The following PNPLA8 variants were observed in gnomAD, a reference collection of about 807,000 sequenced individuals.
PNPLA8 encodes the protein calcium-independent phospholipase A2-gamma.
Under a neutral mutation model 76.9 loss-of-function variants are expected in PNPLA8, and 39 were observed. That is an observed-to-expected ratio of 0.51 (90% CI 0.39 to 0.66). PNPLA8 has a LOEUF of 0.66. Among genes scored for constraint, PNPLA8 ranks in the 30% least tolerant of loss-of-function variants. PNPLA8 has a pLI of 0.00. For missense variants in PNPLA8, 887 were observed against 918.0 expected (o/e 0.97, Z 0.44); for synonymous variants, 301 against 307.9 (o/e 0.98, Z 0.24).
chr7:108,522,782 C>A (rs544557350), intron 1 of PNPLA8, among the ~76,000 whole-genome samples: 1 of 152,198 alleles, frequency 6.6e-6, no homozygotes, highest in South Asian at 2.1e-4. Flanking sequence ...ATTTATGAAA[C>A]CACCTATCAA....
At chr7:108,502,781 G>T in intron 4 of PNPLA8, 139 bp from the exon 5 acceptor site, 2 of 508,824 alleles carry the variant, frequency 3.9e-6, no homozygotes, top group Non-Finnish European at 6.7e-6. Flanking sequence ...AATCTTATAA[G>T]ACAGATTAGT....
chr7:108,526,562 C>A (rs751485863), upstream of PNPLA8, among the ~76,000 whole-genome samples: 1 of 152,238 alleles, frequency 6.6e-6, no homozygotes, highest in Non-Finnish European at 1.5e-5. Context: ...GAAGCCCCTG[C>A]CTGCGCTGAG....
chr7:108,515,754 T>C (rs1268544046), intron 2 of PNPLA8, among the ~76,000 whole-genome samples, 180 bp from the exon 3 acceptor site: 3 of 152,134 alleles, frequency 2.0e-5, no homozygotes, highest in African/African-American at 7.2e-5. Flanking sequence ...TCACTTTCAG[T>C]ATAGAGGTAA....
At chr7:108,490,141 T>A (rs765404466) in intron 8 of PNPLA8, among the ~76,000 whole-genome samples, 1 of 152,248 alleles carries the variant, frequency 6.6e-6, no homozygotes, top group Non-Finnish European at 1.5e-5. Context: ...AGTATTCTTA[T>A]CATTGTGTCA....
chr7:108,514,581 C>T lies in PNPLA8; in HGVS notation c.911G>A (p.Gly304Asp), dbSNP rs752857340. The stretch of plus-strand genomic sequence containing the variant: ...TTTGGGGACAAGTCCACCAATATAA[C>T]CACCTACTAAAGCTTGTACACCTTC... Reference protein sequence around the residue: ...PTEGVQALVGGYIGGLVPKLK... With the variant: ...PTEGVQALVGDYIGGLVPKLK... Residue 304 changes from glycine to aspartate, a missense_variant, in exon 3 of 11, where the codon GGT becomes GAT. Gly to Asp is a moderately conservative substitution (Grantham distance 94). Transcript: ENST00000257694. The T allele has an allele frequency of 8.1e-6, 13 of 1,613,930 alleles. No homozygotes were observed. Among genetic ancestry groups the T allele is most frequent in the African/African-American group, 1.3e-5 (1 of 74,910 alleles).
chr7:108,502,127 G>A (rs1861994064), intron 5 of PNPLA8, among the ~76,000 whole-genome samples: 1 of 150,652 alleles, frequency 6.6e-6, no homozygotes, highest in Admixed American at 6.6e-5. Flanking sequence ...TCCTAAAGCT[G>A]AATTGAATCT....
At position 108,472,551 on chromosome 7, in the gene PNPLA8, T is replaced by C. The variant is rs769717465; in HGVS notation, c.2199A>G (p.Glu733=). The change falls in exon 11 of 11, where the codon GAA becomes GAG. Residue 733 remains glutamate (E), a synonymous_variant. Coordinates refer to ENST00000257694, the MANE Select transcript of PNPLA8 (RefSeq NM_001256007.3). ...RNEKLDQLQL[E]GLKYIERNEQ... is the part of the protein sequence containing the mutation. The stretch of plus-strand genomic sequence containing the variant: ...CATTTCTTTCTATGTATTTCAACCC[T>C]TCCAACTGCAGCTGATCCAGCTTTT... The C allele has an allele frequency of 2.5e-6, 4 of 1,605,890 alleles. No homozygotes were observed. The Admixed American group carries it at 6.7e-5, about 27-fold the overall frequency.
chr7:108,480,346 C>T (rs1303366109), intron 9 of PNPLA8, among the ~76,000 whole-genome samples: 5 of 152,100 alleles, frequency 3.3e-5, no homozygotes, highest in East Asian at 3.9e-4. Context: ...CTAGCCTGGG[C>T]GACAGAGCAA....
chr7:108,484,515 T>C (rs551263484), intron 9 of PNPLA8, among the ~76,000 whole-genome samples: 2 of 152,210 alleles, frequency 1.3e-5, no homozygotes, highest in East Asian at 1.9e-4. Flanking sequence ...TGTAAGCCAC[T>C]GTATCTCAGC....
intron 4 of PNPLA8, among the ~76,000 whole-genome samples, chr7:108,505,765 C>T (rs1862374860): frequency 6.6e-6 from 1 of 152,096 alleles, no homozygotes; most frequent in East Asian, 1.9e-4. Flanking sequence ...TTAAGAATAT[C>T]TGTTCATCAA....
intron 8 of PNPLA8, among the ~76,000 whole-genome samples, chr7:108,490,676 T>C (rs964256574): frequency 9.9e-5 from 15 of 151,084 alleles, no homozygotes; most frequent in Middle Eastern, 3.4e-3. Context: ...CCCAGCTACT[T>C]GGGAGGCTGA....
chr7:108,500,687 A>G (rs1598919106), intron 5 of PNPLA8, among the ~76,000 whole-genome samples: 1 of 152,156 alleles, frequency 6.6e-6, no homozygotes, highest in African/African-American at 2.4e-5. Context: ...AGGCGGGTGG[A>G]TCACCTGAGG....
chr7:108,496,486 T>C, intron 7 of PNPLA8, 98 bp downstream of exon 7: 1 of 663,108 alleles, frequency 1.5e-6, no homozygotes, highest in Non-Finnish European at 2.4e-6. Context: ...CAAATTATAA[T>C]ATGCAAGAAT....
At chr7:108,506,872 G>A (rs1412012972) in intron 4 of PNPLA8, among the ~76,000 whole-genome samples, 1 of 152,102 alleles carries the variant, frequency 6.6e-6, no homozygotes, top group African/African-American at 2.4e-5. Flanking sequence ...CAGGGTGGTG[G>A]TTATATAGAT....
At chr7:108,524,751 G>A (rs577115881) in intron 1 of PNPLA8, among the ~76,000 whole-genome samples, 1 of 152,264 alleles carries the variant, frequency 6.6e-6, no homozygotes, top group African/African-American at 2.4e-5. Flanking sequence ...ACCTTGCAGT[G>A]AGTCGAGATC....
At chr7:108,525,198 C>T (rs1563998809) in intron 1 of PNPLA8, among the ~76,000 whole-genome samples, 1 of 152,184 alleles carries the variant, frequency 6.6e-6, no homozygotes, top group Non-Finnish European at 1.5e-5. Flanking sequence ...CTAAAATGGG[C>T]TTGATACAAC....
At chr7:108,496,110 G>A (rs886712561) in intron 7 of PNPLA8, among the ~76,000 whole-genome samples, 2 of 152,104 alleles carry the variant, frequency 1.3e-5, no homozygotes, top group Non-Finnish European at 2.9e-5. Context: ...TGGTGCACAC[G>A]TGTGGTCCCA....
chr7:108,528,072 A>T (rs1337543955), upstream of PNPLA8: 2 of 152,086 alleles, frequency 1.3e-5, no homozygotes, highest in Admixed American at 1.3e-4. Flanking sequence ...ATCAGTCATG[A>T]AGTCTGATGA....
chr7:108,503,017 T>C (rs184390529), intron 4 of PNPLA8, among the ~76,000 whole-genome samples: 218 of 152,342 alleles, frequency 1.4e-3, no homozygotes, highest in African/African-American at 5.0e-3. Flanking sequence ...TCACAGTAAC[T>C]ACTAGAAGTT....
Sources: allele counts gnomAD v4.1 joint callset (sites outside exome capture counted in the v4.1 genomes callset), GRCh38; gene constraint gnomAD v4.1.1; transcripts MANE v1.5; gene names NCBI Gene and HGNC (gene_info 2026-07-23, HGNC 2026-07-21).